FRMD4B: variants seen among roughly 807,000 people sequenced by gnomAD.
FRMD4B encodes the protein FERM domain containing 4B.
Under a neutral mutation model 141.5 loss-of-function variants are expected in FRMD4B, and 74 were observed. The observed-to-expected ratio is 0.52, with a 90% CI of 0.43 to 0.63. FRMD4B has a LOEUF of 0.63. Ranked by LOEUF, FRMD4B falls within the 30% of genes least tolerant of loss-of-function variation. FRMD4B has a pLI of 0.00. For synonymous variants in FRMD4B, 506 were observed against 467.9 expected, an observed-to-expected ratio of 1.08 and a Z score of -1.05; for missense variants, 1,366 against 1,253.4, an observed-to-expected ratio of 1.09 and a Z score of -1.36.
chr3:69,236,123 T>C (rs1018681007), intron 7 of FRMD4B, among the ~76,000 whole-genome samples: 1 of 152,150 alleles, frequency 6.6e-6, no homozygotes, highest in African/African-American at 2.4e-5. Flanking sequence ...CAGTGTTTCT[T>C]GAACCACACC....
intron 14 of FRMD4B, 63 bp from the exon 15 acceptor site, chr3:69,195,427 A>G: frequency 7.2e-7 from 1 of 1,383,590 alleles, no homozygotes; most frequent in Non-Finnish European, 9.8e-7. Flanking sequence ...TTTCTAAGGG[A>G]CAAAGGATTT....
intron 1 of FRMD4B, among the ~76,000 whole-genome samples, chr3:69,327,917 T>C (rs567877600): frequency 6.6e-6 from 1 of 152,272 alleles, no homozygotes; most frequent in Non-Finnish European, 1.5e-5. Flanking sequence ...TAATGCAGGC[T>C]GTGTTTTTAA....
At position 69,371,470 on chromosome 3, in the gene FRMD4B, C is replaced by G. The variant is rs186087827; in HGVS notation, c.162+14358G>C. On this transcript the variant is annotated intron_variant, in intron 1 of 22. Coordinates refer to ENST00000398540, the MANE Select transcript of FRMD4B (RefSeq NM_015123.3). ...AGAGTTGGGAAGTCATTGAAGGGAT[C>G]TGAACAGAAAAATGACACGATCTGA... 3.9e-5 allele frequency among the ~76,000 whole-genome samples: 6 copies of G among 152,218 alleles called. No homozygotes were observed. The East Asian group carries it at 9.7e-4, about 25-fold the overall frequency.
chr3:69,297,462 G>A (rs1701069180), intron 4 of FRMD4B, among the ~76,000 whole-genome samples: 1 of 152,088 alleles, frequency 6.6e-6, no homozygotes, highest in African/African-American at 2.4e-5. Flanking sequence ...AAAGAAGGGA[G>A]AAGAGGGAAG....
At chr3:69,193,433 A>G (rs953989991) in intron 17 of FRMD4B, among the ~76,000 whole-genome samples, 1 of 152,162 alleles carries the variant, frequency 6.6e-6, no homozygotes. Context: ...ACTTGAACCC[A>G]TGAGGTGGAG....
intron 11 of FRMD4B, among the ~76,000 whole-genome samples, chr3:69,212,359 C>CAAAAAAAAAAAAAAAAAAAAAAAAAAAAA (rs869309749): frequency 4.3e-4 from 11 of 25,336 alleles, no homozygotes; most frequent in South Asian, 2.7e-3. Flanking sequence ...AACCCCGTCT[C>CAAAAAAAAAAAAAAAAAAAAAAAAAAAAA]AAAAAAAAAA....
intron 2 of FRMD4B, among the ~76,000 whole-genome samples, chr3:69,406,863 C>T (rs914671973): frequency 4.6e-5 from 7 of 151,814 alleles, no homozygotes; most frequent in African/African-American, 1.7e-4. Flanking sequence ...TCCTAAGTAG[C>T]TGGGACTACA....
intron 7 of FRMD4B, chr3:69,228,573 G>A (rs535691388): frequency 9.4e-6 from 4 of 426,246 alleles, no homozygotes; most frequent in South Asian, 1.7e-5. Context: ...GGTGGCTCAT[G>A]CCTATAATCC....
intron 1 of FRMD4B, among the ~76,000 whole-genome samples, chr3:69,461,623 C>CAAAAAAAAAAAAAAA (rs58143332): frequency 4.6e-5 from 2 of 43,456 alleles, no homozygotes; most frequent in Non-Finnish European, 8.0e-5. Context: ...GACTCTGTCT[C>CAAAAAAAAAAAAAAA]AAAAAAAAAA....
intron 1 of FRMD4B, among the ~76,000 whole-genome samples, chr3:69,327,782 C>T (rs1208441251): frequency 2.0e-5 from 3 of 152,182 alleles, no homozygotes; most frequent in Non-Finnish European, 4.4e-5. Flanking sequence ...AAAAGTCAAA[C>T]TCATTTGGGA....
At chr3:69,500,243 C>T (rs1706470677) in intron 1 of FRMD4B, among the ~76,000 whole-genome samples, 4 of 152,070 alleles carry the variant, frequency 2.6e-5, no homozygotes, top group Non-Finnish European at 5.9e-5. Context: ...GGCATGTGGT[C>T]GAAATCACAC....
intron 21 of FRMD4B, among the ~76,000 whole-genome samples, chr3:69,178,232 G>A (rs1380956353): frequency 6.6e-6 from 1 of 152,154 alleles, no homozygotes; most frequent in African/African-American, 2.4e-5. Context: ...CACACAAAGT[G>A]CCTGTGATCA....
chr3:69,226,514 A>T (rs2093256038), intron 7 of FRMD4B, among the ~76,000 whole-genome samples: 1 of 151,510 alleles, frequency 6.6e-6, no homozygotes, highest in Non-Finnish European at 1.5e-5. Context: ...GCATGCATGT[A>T]TTCAAAAATG....
intron 1 of FRMD4B, among the ~76,000 whole-genome samples, chr3:69,346,183 A>C (rs1374281222): frequency 6.6e-6 from 1 of 152,082 alleles, no homozygotes; most frequent in Non-Finnish European, 1.5e-5. Flanking sequence ...TACATGATGA[A>C]TGCACAAGCT....
At chr3:69,468,265 T>G (rs1181566986) in intron 1 of FRMD4B, among the ~76,000 whole-genome samples, 2 of 152,208 alleles carry the variant, frequency 1.3e-5, no homozygotes, top group African/African-American at 4.8e-5. Context: ...TGAATAGTCT[T>G]GTTCGGACTA....
intron 1 of FRMD4B, among the ~76,000 whole-genome samples, chr3:69,491,094 G>T (rs1414439018): frequency 6.6e-6 from 1 of 152,164 alleles, no homozygotes; most frequent in East Asian, 1.9e-4. Flanking sequence ...AAGATCAATA[G>T]GAGGAAAGAG....
rs1307749707 is a variant in FRMD4B at position 69,349,055 on chromosome 3, A to C, written c.163-35538T>G. ...ATTGTCCCTGTTTGCATATGACATG[A>C]TTGTATATTTAGAAAACCTCATTGT... On this transcript the variant is annotated intron_variant, in intron 1 of 22. Transcript: ENST00000398540. Among the ~76,000 whole-genome samples the C allele has an allele frequency of 2.0e-5, 3 of 152,242 alleles. No homozygotes were observed. In the East Asian group the frequency reaches 5.8e-4, roughly 29 times the overall value.
Position 69,193,836 on chromosome 3 carries a change from A to C in FRMD4B, c.1526T>G (p.Ile509Arg). 1 of 1,613,104 alleles carries C rather than the reference A, an allele frequency of 6.2e-7. No homozygotes were observed. The highest frequency in any genetic ancestry group is 8.5e-7 in the Non-Finnish European group (1 of 1,179,276). ...TGCAGCTTCCACCAGCTTTTGTTGT[A>C]TTAGAAAATTACTCTCCAGTTCTTG... is the stretch of plus-strand genomic sequence containing the variant. ...ALQELESNFL[I>R]QQKLVEAAKK... is the part of the protein sequence containing the mutation. Residue 509 changes from isoleucine to arginine, a missense_variant, in exon 17 of 23, where the codon ATA becomes AGA. Transcript: ENST00000398540.
At chr3:69,368,400 A>G (rs1055371137) in intron 1 of FRMD4B, among the ~76,000 whole-genome samples, 1 of 152,230 alleles carries the variant, frequency 6.6e-6, no homozygotes, top group Non-Finnish European at 1.5e-5. Flanking sequence ...GACTGATGAC[A>G]TTAGACAGCA....
Sources: gnomAD v4.1 joint callset for allele counts (sites outside exome capture counted in the v4.1 genomes callset) on GRCh38, gnomAD v4.1.1 for gene constraint, MANE v1.5 for transcripts, NCBI Gene and HGNC (gene_info 2026-07-23, HGNC 2026-07-21) for gene names.